ADAMTS6: variants seen among roughly 807,000 people sequenced by gnomAD.
ADAMTS6 encodes the protein ADAM metallopeptidase with thrombospondin type 1 motif 6.
A neutral mutation model predicts 144.3 loss-of-function variants in ADAMTS6; 23 were observed. The ratio of observed to expected loss-of-function variants is 0.16; its 90% CI spans 0.11 to 0.23. ADAMTS6 has a LOEUF of 0.23. Among genes scored for constraint, ADAMTS6 ranks in the 10% least tolerant of loss-of-function variants. The probability of loss-of-function intolerance (pLI) is 1.00; values close to 1 mark genes in which losing one functional copy is unlikely to be tolerated. For synonymous variants in ADAMTS6, 444 were observed against 457.5 expected (o/e 0.97, Z 0.38); for missense variants, 999 against 1,379.6 (o/e 0.72, Z 4.37).
chr5:65,237,240 A>T (rs1043130508), intron 15 of ADAMTS6, among the ~76,000 whole-genome samples: 1 of 151,904 alleles, frequency 6.6e-6, no homozygotes, highest in Non-Finnish European at 1.5e-5. Flanking sequence ...ATAAAAATAA[A>T]AATTAAAAAT....
intron 3 of ADAMTS6, among the ~76,000 whole-genome samples, chr5:65,464,183 C>T (rs1759827995): frequency 6.6e-6 from 1 of 152,110 alleles, no homozygotes; most frequent in Non-Finnish European, 1.5e-5. Context: ...GTGCACATAC[C>T]CTGAATCCCT....
intron 24 of ADAMTS6, among the ~76,000 whole-genome samples, chr5:65,154,210 A>AAAAC (rs533971870): frequency 5.9e-5 from 9 of 152,328 alleles, no homozygotes; most frequent in African/African-American, 1.9e-4. Context: ...TCCGTCTCAA[A>AAAAC]AAACAAACAA....
intron 24 of ADAMTS6, among the ~76,000 whole-genome samples, chr5:65,153,397 T>G (rs1297708706): frequency 6.6e-6 from 1 of 152,222 alleles, no homozygotes; most frequent in Admixed American, 6.5e-5. Flanking sequence ...GACAAATCAC[T>G]TAACCTCTTT....
chr5:65,408,101 A>T (rs146338841), intron 7 of ADAMTS6, among the ~76,000 whole-genome samples: 5 of 152,344 alleles, frequency 3.3e-5, no homozygotes, highest in African/African-American at 1.2e-4. Context: ...TAATGGGCAA[A>T]ATAACCAGCT....
chr5:65,389,783 T>A (rs1261936836), intron 7 of ADAMTS6, among the ~76,000 whole-genome samples: 1 of 152,150 alleles, frequency 6.6e-6, no homozygotes, highest in Non-Finnish European at 1.5e-5. Context: ...TTGATTTCAG[T>A]TTTCAGGCTT....
intron 7 of ADAMTS6, among the ~76,000 whole-genome samples, chr5:65,425,686 T>G (rs751839829): frequency 1.6e-4 from 25 of 152,342 alleles, no homozygotes; most frequent in Non-Finnish European, 1.2e-4. Context: ...TAGGACATTA[T>G]TATCTTATTA....
chr5:65,149,581 T>C lies in ADAMTS6; in HGVS notation c.*2255A>G, dbSNP rs921847361. ...AGTGCCTGGGGGATGGCCCTCACAA[T>C]GGTAGTTTCCAGGTGAGGTAAAAAA... On this transcript the variant is annotated 3_prime_UTR_variant, in exon 25 of 25. Coordinates refer to ENST00000381055, the MANE Select transcript of ADAMTS6 (RefSeq NM_197941.4). The C allele has an allele frequency of 2.0e-5, 3 of 152,630 alleles. No individual in the cohort carries two copies. The highest frequency in any genetic ancestry group is 6.5e-5 in the Admixed American group (1 of 15,278). 9.5% of individuals were successfully genotyped at this position (152,630 alleles called of 1,614,324 possible).
chr5:65,463,093 AG>A (rs1406091123), intron 3 of ADAMTS6, among the ~76,000 whole-genome samples: 1 of 148,470 alleles, frequency 6.7e-6, no homozygotes, highest in African/African-American at 2.5e-5. Context: ...AAAAAAAAAA[AG>A]CTAATTGATT....
chr5:65,318,345 G>C (rs1745219863), intron 9 of ADAMTS6, among the ~76,000 whole-genome samples: 4 of 152,054 alleles, frequency 2.6e-5, no homozygotes, highest in Admixed American at 2.6e-4. Flanking sequence ...CCTAAAAATA[G>C]AACTACCATA....
At chr5:65,359,927 C>T (rs758797278) in intron 7 of ADAMTS6, among the ~76,000 whole-genome samples, 1 of 152,152 alleles carries the variant, frequency 6.6e-6, no homozygotes, top group Non-Finnish European at 1.5e-5. Context: ...ATCTATTTTA[C>T]AGCATGGTGA....
At chr5:65,446,358 A>G (rs1758271189) in intron 7 of ADAMTS6, among the ~76,000 whole-genome samples, 1 of 152,222 alleles carries the variant, frequency 6.6e-6, no homozygotes. Flanking sequence ...AACTGAAAAC[A>G]TTAGGTGACT....
chr5:65,474,104 CACAA>C (rs1760669476), intron 1 of ADAMTS6, among the ~76,000 whole-genome samples, 152 bp from the exon 2 acceptor site: 1 of 152,080 alleles, frequency 6.6e-6, no homozygotes, highest in Non-Finnish European at 1.5e-5. Flanking sequence ...AATAAACATT[CACAA>C]GATTAGACAC....
At chr5:65,382,514 T>C (rs2150136518) in intron 7 of ADAMTS6, among the ~76,000 whole-genome samples, 1 of 152,358 alleles carries the variant, frequency 6.6e-6, no homozygotes, top group African/African-American at 2.4e-5. Context: ...GCCATCAGCT[T>C]GTATCCTTGC....
intron 24 of ADAMTS6, among the ~76,000 whole-genome samples, chr5:65,159,771 T>C (rs1312731445): frequency 1.3e-5 from 2 of 152,256 alleles, no homozygotes; most frequent in Non-Finnish European, 2.9e-5. Flanking sequence ...ATGGTAAGTA[T>C]GTTTGCTAAG....
intron 14 of ADAMTS6, among the ~76,000 whole-genome samples, chr5:65,247,512 T>G (rs1759734906): frequency 6.6e-6 from 1 of 152,160 alleles, no homozygotes; most frequent in African/African-American, 2.4e-5. Context: ...TTTGTGCCTT[T>G]TTTTCATTTG....
intron 7 of ADAMTS6, among the ~76,000 whole-genome samples, chr5:65,410,381 G>T (rs55752931): frequency 0.17 from 26,259 of 152,050 alleles, 3,031 homozygotes; most frequent in African/African-American, 0.33. Flanking sequence ...GCCAACAAGA[G>T]TTAGCATTCT....
At chr5:65,426,087 C>T (rs1320068853) in intron 7 of ADAMTS6, among the ~76,000 whole-genome samples, 1 of 149,144 alleles carries the variant, frequency 6.7e-6, no homozygotes, top group Non-Finnish European at 1.5e-5. Context: ...GCTCTTGTCT[C>T]CCAGGCTAGA....
chr5:65,263,057 G>T, intron 12 of ADAMTS6, 95 bp from the exon 13 acceptor site: 1 of 1,460,420 alleles, frequency 6.8e-7, no homozygotes, highest in Non-Finnish European at 9.4e-7. Flanking sequence ...CCAACTATAG[G>T]CATTAGCATT....
At chr5:65,205,485 T>C (rs545539176) in intron 20 of ADAMTS6, among the ~76,000 whole-genome samples, 53 of 152,340 alleles carry the variant, frequency 3.5e-4, no homozygotes, top group Middle Eastern at 3.4e-3. Context: ...AAGACTGTAC[T>C]ACATATTTTC....
Sources: allele counts gnomAD v4.1 joint callset (sites outside exome capture counted in the v4.1 genomes callset), GRCh38; gene constraint gnomAD v4.1.1; transcripts MANE v1.5; gene names NCBI Gene and HGNC (gene_info 2026-07-23, HGNC 2026-07-21).